The following ARHGAP39 variants were observed in gnomAD, a reference collection of about 807,000 sequenced individuals.
ARHGAP39 encodes the protein Rho GTPase activating protein 39, also known as rho GTPase-activating protein 39.
ARHGAP39 carries 44 observed loss-of-function variants against 106.9 expected under a neutral mutation model. The observed-to-expected ratio is 0.41, with a 90% CI of 0.32 to 0.53. The LOEUF (loss-of-function observed/expected upper bound fraction) is 0.53, where lower values mean the gene tolerates loss of function less well. Among genes scored for constraint, ARHGAP39 ranks in the 20% least tolerant of loss-of-function variants. The pLI, the probability that ARHGAP39 is intolerant of heterozygous loss-of-function variation, is 0.21. For missense variants in ARHGAP39, 1,496 were observed against 1,577.3 expected, an observed-to-expected ratio of 0.95 and a Z score of 0.87; for synonymous variants, 768 against 693.2, an observed-to-expected ratio of 1.11 and a Z score of -1.69.
chr8:144,682,975 C>T (rs972089385), intron 1 of ARHGAP39, among the ~76,000 whole-genome samples: 9 of 151,930 alleles, frequency 5.9e-5, no homozygotes, highest in Admixed American at 2.0e-4. Context: ...CATGATCGCA[C>T]CACTGCACTC....
rs200393415 is a variant in ARHGAP39, at chr8:144,572,038, T to G, written c.512+8808A>C. Among the ~76,000 whole-genome samples, 3 of 152,258 alleles carry G rather than the reference T, an allele frequency of 2.0e-5. 1 individual carries two copies. The highest frequency in any genetic ancestry group is 6.8e-3 in the Middle Eastern group (2 of 294). The stretch of plus-strand genomic sequence containing the variant: ...CATGGATAGGAAGAATCAATATCAT[T>G]AAAATGGCCATACTGCCCAAGGTTA... On this transcript the variant is annotated intron_variant, in intron 3 of 11. Coordinates refer to ENST00000377307, the MANE Select transcript of ARHGAP39 (RefSeq NM_025251.3).
chr8:144,628,464 C>T (rs1207318284), intron 1 of ARHGAP39, among the ~76,000 whole-genome samples: 1 of 152,148 alleles, frequency 6.6e-6, no homozygotes, highest in Non-Finnish European at 1.5e-5. Context: ...CCAAGTCAAA[C>T]GGCAATCCTG....
intron 7 of ARHGAP39, among the ~76,000 whole-genome samples, chr8:144,535,911 T>C (rs1816934970): frequency 6.6e-6 from 1 of 152,200 alleles, no homozygotes. Flanking sequence ...GTCACAACTG[T>C]AGTGGGCAGG....
At chr8:144,531,278 A>G (rs1816712459) in intron 10 of ARHGAP39, among the ~76,000 whole-genome samples, 1 of 46,886 alleles carries the variant, frequency 2.1e-5, no homozygotes, top group East Asian at 5.4e-4. Context: ...TGGGCTAGAC[A>G]TAGCAGGCAC....
In ARHGAP39 at chr8:144,604,587, AG is replaced by A. The variant is rs1240779989; in HGVS notation, c.80+947del. ...GAGATGGGGTCTCGCTAGGTTGCCC[AG>A]GCTGGGATGATCTGTTTTAAATAGG... On this transcript the variant is annotated intron_variant, in intron 2 of 11. Transcript: ENST00000377307. This position sits in a 1 kb window ranked among gnomAD's most constrained non-coding sequence, Gnocchi z 4.1. 6.6e-6 allele frequency among the ~76,000 whole-genome samples: 1 copy of A among 152,156 alleles called. No individual in the cohort carries two copies. The highest frequency in any genetic ancestry group is 1.5e-5 in the Non-Finnish European group (1 of 68,020).
intron 1 of ARHGAP39, among the ~76,000 whole-genome samples, chr8:144,624,234 C>T (rs561963826): frequency 1.3e-5 from 2 of 152,334 alleles, no homozygotes; most frequent in East Asian, 3.9e-4. Context: ...ACAGCCATGA[C>T]GAGCGCCCTT....
In ARHGAP39 at chr8:144,647,209, C is replaced by T. The variant is rs963172368; in HGVS notation, c.-82+38477G>A. The stretch of plus-strand genomic sequence containing the variant: ...GTCTTGATCTCTTGACCTCATGATC[C>T]GCGTGCCTCAGCCTCCCAAACTGCT... On this transcript the variant is annotated intron_variant, in intron 1 of 11. Coordinates refer to ENST00000377307, the MANE Select transcript of ARHGAP39 (RefSeq NM_025251.3). This position sits in a 1 kb window ranked among gnomAD's most constrained non-coding sequence, Gnocchi z 4.8. 3.9e-5 allele frequency among the ~76,000 whole-genome samples: 6 copies of T among 151,986 alleles called. No homozygotes were observed. Among genetic ancestry groups the T allele is most frequent in the Non-Finnish European group, 2.9e-5 (2 of 68,000 alleles).
At position 144,641,874 on chromosome 8, in the gene ARHGAP39, G is replaced by C. The variant is rs867428614; in HGVS notation, c.-81-36179C>G. ...GAGGGGTACCTGCCACAAGCTCCGG[G>C]TGGGCCACTGCAGCCACCCACTACC... On this transcript the variant is annotated intron_variant, in intron 1 of 11. Coordinates refer to ENST00000377307, the MANE Select transcript of ARHGAP39 (RefSeq NM_025251.3). The surrounding 1 kb of genome is among the most constrained non-coding windows in gnomAD (Gnocchi z 5.2). 6.6e-6 allele frequency among the ~76,000 whole-genome samples: 1 copy of C among 152,232 alleles called. No homozygotes were observed. The highest frequency in any genetic ancestry group is 1.5e-5 in the Non-Finnish European group (1 of 68,044).
intron 3 of ARHGAP39, among the ~76,000 whole-genome samples, chr8:144,579,648 C>T (rs1476927482): frequency 6.6e-6 from 1 of 152,190 alleles, no homozygotes; most frequent in Non-Finnish European, 1.5e-5. Context: ...TCCCTCTGTG[C>T]CTGCACCTCG....
At chr8:144,601,647 C>G (rs1312506260) in intron 2 of ARHGAP39, among the ~76,000 whole-genome samples, 3 of 98,366 alleles carry the variant, frequency 3.0e-5, no homozygotes, top group Non-Finnish European at 5.9e-5. Flanking sequence ...TGCTCGTGTA[C>G]CTGTGTGTGC....
At chr8:144,618,547 G>A (rs1260902079) in intron 1 of ARHGAP39, among the ~76,000 whole-genome samples, 1 of 152,260 alleles carries the variant, frequency 6.6e-6, no homozygotes, top group Non-Finnish European at 1.5e-5. Context: ...GCTGCCTGCA[G>A]AGGTTGTGGT....
At position 144,670,229 on chromosome 8, in the gene ARHGAP39, A is replaced by G. The variant is rs541682571; in HGVS notation, c.-82+15457T>C. ...GGACGCATGCTAGAGCGTACCGGGA[A>G]GCTGGATGAGGGCCTGGGACCAGGC... On this transcript the variant is annotated intron_variant, in intron 1 of 11. Coordinates refer to ENST00000377307, the MANE Select transcript of ARHGAP39 (RefSeq NM_025251.3). This position sits in a 1 kb window ranked among gnomAD's most constrained non-coding sequence, Gnocchi z 4.4. 6.6e-6 allele frequency among the ~76,000 whole-genome samples: 1 copy of G among 152,256 alleles called. No individual in the cohort carries two copies. Among genetic ancestry groups the G allele is most frequent in the East Asian group, 1.9e-4 (1 of 5,166 alleles).
At chr8:144,681,845 T>C (rs951051131) in intron 1 of ARHGAP39, among the ~76,000 whole-genome samples, 8 of 152,138 alleles carry the variant, frequency 5.3e-5, no homozygotes, top group Non-Finnish European at 8.8e-5. Flanking sequence ...TGTCACACAA[T>C]ATGAAGGTGA....
At chr8:144,687,010 C>T (rs1410726690), upstream of ARHGAP39, among the ~76,000 whole-genome samples, 3 of 102,210 alleles carry the variant, frequency 2.9e-5, no homozygotes, top group African/African-American at 1.6e-4. Context: ...CGACCATTTC[C>T]CACCCCCGTG....
chr8:144,679,777 G>A lies in ARHGAP39; in HGVS notation c.-82+5909C>T, dbSNP rs570095455. ...GGGCGGATCACGAGGTCAGGAGATC[G>A]AGACCATCCTGGCTAACACAGTGAA... On this transcript the variant is annotated intron_variant, in intron 1 of 11. Coordinates refer to ENST00000377307, the MANE Select transcript of ARHGAP39 (RefSeq NM_025251.3). The surrounding 1 kb of genome is among the most constrained non-coding windows in gnomAD (Gnocchi z 4.7). Among the ~76,000 whole-genome samples, 8 of 152,246 alleles carry A rather than the reference G, an allele frequency of 5.3e-5. No homozygotes were observed. The highest frequency in any genetic ancestry group is 2.1e-4 in the South Asian group (1 of 4,826).
intron 2 of ARHGAP39, among the ~76,000 whole-genome samples, chr8:144,603,129 G>C (rs1820131595): frequency 1.4e-5 from 2 of 147,142 alleles, no homozygotes; most frequent in Non-Finnish European, 3.0e-5. Flanking sequence ...GCGTGTGTGT[G>C]CTGGTGTACC....
chr8:144,600,389 TGTGGAG>T (rs1819819475), intron 2 of ARHGAP39, among the ~76,000 whole-genome samples: 1 of 145,504 alleles, frequency 6.9e-6, no homozygotes, highest in Non-Finnish European at 1.5e-5. Context: ...TACCTGCGTG[TGTGGAG>T]GCGTGTGTGT....
intron 2 of ARHGAP39, among the ~76,000 whole-genome samples, chr8:144,599,829 T>C (rs571999538): frequency 2.6e-5 from 4 of 152,282 alleles, no homozygotes; most frequent in South Asian, 2.1e-4. Flanking sequence ...CTTTTTTTAG[T>C]GCATATATTT....
At position 144,591,840 on chromosome 8, in the gene ARHGAP39, C is replaced by CGGCTTCCCCTGGAT. The variant is rs1413626268; in HGVS notation, c.81-10577_81-10564dup. ...AAGGAACAGGCCCCGTGTGCCAGGG[C>CGGCTTCCCCTGGAT]GGCTTCCCCTGGATGGCGGCGTCGC... is the stretch of plus-strand genomic sequence containing the variant. On this transcript the variant is annotated intron_variant, in intron 2 of 11. Coordinates refer to ENST00000377307, the MANE Select transcript of ARHGAP39 (RefSeq NM_025251.3). The surrounding 1 kb of genome is among the most constrained non-coding windows in gnomAD (Gnocchi z 5.3). Among the ~76,000 whole-genome samples the CGGCTTCCCCTGGAT allele has an allele frequency of 6.6e-6, 1 of 152,202 alleles. No homozygotes were observed. Among genetic ancestry groups the CGGCTTCCCCTGGAT allele is most frequent in the Non-Finnish European group, 1.5e-5 (1 of 68,014 alleles).
Sources: gnomAD v4.1 joint callset for allele counts (sites outside exome capture counted in the v4.1 genomes callset) on GRCh38, gnomAD v4.1.1 for gene constraint, Gnocchi (gnomAD v3.1) non-coding constraint, MANE v1.5 for transcripts, NCBI Gene and HGNC (gene_info 2026-07-23, HGNC 2026-07-21) for gene names.